Variants in SPATA31F1 observed in about 807,000 individuals in gnomAD.
SPATA31F1 encodes protein SPATA31F1.
the SPATA31F1 span, chr9:34,723,504 T>A: frequency 6.4e-7 from 1 of 1,551,834 alleles, no homozygotes; most frequent in Non-Finnish European, 8.7e-7. Flanking sequence ...TTTTCTTTTC[T>A]GGTTTTGGCC....
the SPATA31F1 span, chr9:34,723,712 A>T: frequency 6.4e-7 from 1 of 1,551,552 alleles, no homozygotes; most frequent in African/African-American, 1.4e-5. Flanking sequence ...GCTTAGCCTG[A>T]GTTGGTTGGC....
the SPATA31F1 span, chr9:34,726,431 C>A: frequency 6.4e-7 from 1 of 1,550,904 alleles, no homozygotes; most frequent in Non-Finnish European, 8.7e-7. Context: ...TGGATGCATC[C>A]GGTTCAGGGT....
the SPATA31F1 span, chr9:34,723,776 G>T: frequency 6.4e-7 from 1 of 1,551,616 alleles, no homozygotes; most frequent in East Asian, 2.4e-5. Context: ...GGCATTCTCA[G>T]GAATTGTCGC....
At chr9:34,726,586 G>A in the SPATA31F1 span, 3 of 1,551,946 alleles carry the variant, frequency 1.9e-6, no homozygotes, top group Non-Finnish European at 2.6e-6. Context: ...AAGCTATGGT[G>A]TTTGGGCCCC....
At chr9:34,727,103 C>T in the SPATA31F1 span, 1 of 1,438,938 alleles carries the variant, frequency 6.9e-7, no homozygotes, top group Admixed American at 2.7e-5. Context: ...GGGCCTATAC[C>T]ATCTTGTTGT....
chr9:34,727,976 A>G, the SPATA31F1 span: 41 of 1,530,126 alleles, frequency 2.7e-5, 1 homozygote, highest in Middle Eastern at 3.5e-4. Flanking sequence ...AGAAATCATC[A>G]TAGGCCAGGC....
At chr9:34,726,784 A>G in the SPATA31F1 span, 1 of 1,551,456 alleles carries the variant, frequency 6.4e-7, no homozygotes, top group Non-Finnish European at 8.7e-7. Flanking sequence ...GAAACTCCAG[A>G]CTCTGATCTA....
chr9:34,729,460 C>T, the SPATA31F1 span: 2 of 1,527,242 alleles, frequency 1.3e-6, no homozygotes, highest in Admixed American at 2.1e-5. Context: ...GATCAACCAT[C>T]CCTCTATCTC....
At chr9:34,727,883 C>T in the SPATA31F1 span, 1 of 752,470 alleles carries the variant, frequency 1.3e-6, no homozygotes, top group Non-Finnish European at 2.1e-6. Flanking sequence ...TGGCAACCCT[C>T]TCACCCAGTG....
chr9:34,724,882 C>T, the SPATA31F1 span: 26 of 1,549,354 alleles, frequency 1.7e-5, no homozygotes, highest in Middle Eastern at 1.7e-4. Context: ...CAGGCAGCCC[C>T]GACAGGAAGG....
the SPATA31F1 span, chr9:34,725,930 G>T: frequency 6.4e-7 from 1 of 1,551,590 alleles, no homozygotes; most frequent in Non-Finnish European, 8.7e-7. Flanking sequence ...GTGCAGAGAA[G>T]GGAGCCCACA....
the SPATA31F1 span, chr9:34,729,470 C>A: frequency 6.6e-7 from 1 of 1,521,914 alleles, no homozygotes; most frequent in Non-Finnish European, 8.8e-7. Flanking sequence ...CCCTCTATCT[C>A]GGAATTCAGG....
chr9:34,723,585 G>T, the SPATA31F1 span: 1 of 1,551,762 alleles, frequency 6.4e-7, no homozygotes, highest in African/African-American at 1.4e-5. Flanking sequence ...ATATGCTGCA[G>T]AAAACATTTA....
the SPATA31F1 span, chr9:34,728,513 G>A: frequency 8.2e-7 from 1 of 1,218,182 alleles, no homozygotes; most frequent in Non-Finnish European, 1.2e-6. Context: ...TTCAGTGGCA[G>A]AGCACCTGGC....
chr9:34,728,314 C>T, the SPATA31F1 span, among the ~76,000 whole-genome samples: 1 of 152,178 alleles, frequency 6.6e-6, no homozygotes, highest in Non-Finnish European at 1.5e-5. Flanking sequence ...GTGTTTTGCT[C>T]ATTTTGTGGA....
the SPATA31F1 span, chr9:34,727,940 C>T: frequency 1.5e-6 from 2 of 1,315,872 alleles, no homozygotes; most frequent in Non-Finnish European, 2.1e-6. Context: ...TTATCTTTCT[C>T]CTTAGTCCTG....
chr9:34,728,701 T>C, the SPATA31F1 span: 1 of 1,525,778 alleles, frequency 6.6e-7, no homozygotes, highest in South Asian at 1.2e-5. Flanking sequence ...CACCATTTTC[T>C]TTCTCATGTC....
chr9:34,728,597 T>G, the SPATA31F1 span: 1 of 1,549,948 alleles, frequency 6.5e-7, no homozygotes, highest in African/African-American at 1.4e-5. Context: ...AGAGGAGAGA[T>G]TGGGACTTTA....
At chr9:34,724,248 G>C in the SPATA31F1 span, 1 of 1,551,540 alleles carries the variant, frequency 6.4e-7, no homozygotes. Flanking sequence ...TCCCCACTGG[G>C]CTGTGAGATC....
Sources: gnomAD v4.1 joint callset for allele counts (sites outside exome capture counted in the v4.1 genomes callset) on GRCh38, gnomAD v4.1.1 for gene constraint, MANE v1.5 for transcripts, NCBI Gene and HGNC (gene_info 2026-07-23, HGNC 2026-07-21) for gene names.